CDH13: variants seen among roughly 807,000 people sequenced by gnomAD.
CDH13 encodes cadherin-13.
Under a neutral mutation model 63.8 loss-of-function variants are expected in CDH13, and 24 were observed. That is an observed-to-expected ratio of 0.38 (90% CI 0.27 to 0.53). CDH13 has a LOEUF of 0.53. Ranked by LOEUF, CDH13 falls within the 20% of genes least tolerant of loss-of-function variation. CDH13 has a pLI of 0.85. For missense variants in CDH13, 1,049 were observed against 903.1 expected (o/e 1.16, Z -2.07); for synonymous variants, 503 against 355.3 (o/e 1.42, Z -4.67).
At chr16:83,430,643 G>C (rs1038776931) in intron 6 of CDH13, among the ~76,000 whole-genome samples, 5 of 152,166 alleles carry the variant, frequency 3.3e-5, no homozygotes, top group Non-Finnish European at 5.9e-5. Flanking sequence ...TCTCATGAAA[G>C]AGATCATTTC....
intron 6 of CDH13, among the ~76,000 whole-genome samples, chr16:83,380,004 T>C (rs556556380): frequency 7.0e-4 from 104 of 149,070 alleles, no homozygotes; most frequent in African/African-American, 2.6e-3. Flanking sequence ...TAGGGCATAT[T>C]CCATATAATA....
At chr16:82,682,800 C>T (rs1215340670) in intron 1 of CDH13, among the ~76,000 whole-genome samples, 1 of 152,126 alleles carries the variant, frequency 6.6e-6, no homozygotes, top group East Asian at 1.9e-4. Context: ...AAGGCCTAGC[C>T]CTCTGCTCTT....
At chr16:82,845,373 T>C (rs1407052561) in intron 1 of CDH13, among the ~76,000 whole-genome samples, 1 of 152,136 alleles carries the variant, frequency 6.6e-6, no homozygotes, top group African/African-American at 2.4e-5. Context: ...TCCTGCAGTG[T>C]AGGAGAAAGA....
At chr16:82,825,360 T>C (rs1379957261) in intron 1 of CDH13, 1 of 152,168 alleles carries the variant, frequency 6.6e-6, no homozygotes, top group Non-Finnish European at 1.5e-5. Context: ...GAGTCTGCTT[T>C]GTATTGTGCC....
intron 6 of CDH13, among the ~76,000 whole-genome samples, chr16:83,427,786 C>G (rs988548872): frequency 1.3e-5 from 2 of 152,200 alleles, no homozygotes; most frequent in Non-Finnish European, 1.5e-5. Flanking sequence ...CAAGAACCAA[C>G]CACAGAGTTG....
chr16:83,073,413 A>T (rs948604882), intron 3 of CDH13, among the ~76,000 whole-genome samples: 1 of 151,464 alleles, frequency 6.6e-6, no homozygotes, highest in Non-Finnish European at 1.5e-5. Flanking sequence ...CCTCCATTTT[A>T]TATTAAACAG....
At chr16:83,605,667 G>C (rs1015083460) in intron 8 of CDH13, among the ~76,000 whole-genome samples, 2 of 152,314 alleles carry the variant, frequency 1.3e-5, no homozygotes, top group East Asian at 3.9e-4. Flanking sequence ...CCGCTGATGA[G>C]GATGGTGGGA....
At chr16:82,872,813 A>T (rs1034894778) in intron 2 of CDH13, among the ~76,000 whole-genome samples, 1 of 152,220 alleles carries the variant, frequency 6.6e-6, no homozygotes, top group African/African-American at 2.4e-5. Context: ...CCACTCATTT[A>T]GCCAACTATA....
At chr16:83,471,421 G>T (rs12933134) in intron 6 of CDH13, among the ~76,000 whole-genome samples, 2 of 151,712 alleles carry the variant, frequency 1.3e-5, no homozygotes, top group Non-Finnish European at 2.9e-5. Flanking sequence ...ACTACAGGTG[G>T]CTGCCACAGC....
chr16:83,075,869 G>A (rs905431089), intron 3 of CDH13, among the ~76,000 whole-genome samples: 1 of 152,142 alleles, frequency 6.6e-6, no homozygotes, highest in Non-Finnish European at 1.5e-5. Flanking sequence ...CTTTGATACT[G>A]CACATATTCA....
In CDH13 at chr16:82,751,443, G is replaced by C. The variant is rs1327828302; in HGVS notation, c.46-106919G>C. Among the ~76,000 whole-genome samples the C allele has an allele frequency of 2.0e-5, 3 of 152,184 alleles. No individual in the cohort carries two copies. The East Asian group carries it at 5.8e-4, about 29-fold the overall frequency. On this transcript the variant is annotated intron_variant, in intron 1 of 13. Coordinates refer to ENST00000567109, the MANE Select transcript of CDH13 (RefSeq NM_001257.5). ...CCCTGGGAGAGGTCTTTAGCCACCT[G>C]ATCCCTGACCTTGCCCTACACAAGG...
Position 83,604,351 on chromosome 16 carries a change from A to T in CDH13, c.1101+1757A>T, listed in dbSNP as rs528760258. 7.2e-5 allele frequency among the ~76,000 whole-genome samples: 11 copies of T among 152,288 alleles called. No homozygotes were observed. In the South Asian group the frequency reaches 2.3e-3, roughly 32 times the overall value. ...ATGGTTCCAAACTGGCATTTCAAGA[A>T]CACCAGTTCTAATTAGTTCCAAACA... On this transcript the variant is annotated intron_variant, in intron 8 of 13. Transcript: ENST00000567109.
At chr16:83,141,157 TA>T (rs1352239143) in intron 4 of CDH13, among the ~76,000 whole-genome samples, 3 of 152,218 alleles carry the variant, frequency 2.0e-5, no homozygotes, top group African/African-American at 7.2e-5. Context: ...CAGAGAATAT[TA>T]AAGCCGGAGG....
At chr16:82,976,909 A>C (rs76888880) in intron 2 of CDH13, among the ~76,000 whole-genome samples, 6,453 of 152,220 alleles carry the variant, frequency 0.042, 145 homozygotes, top group Admixed American at 0.052. Context: ...TCTCCAGTTG[A>C]CAAAAGACAA....
chr16:83,652,819 A>G (rs191544793), intron 8 of CDH13, among the ~76,000 whole-genome samples: 2 of 152,316 alleles, frequency 1.3e-5, no homozygotes, highest in East Asian at 3.9e-4. Context: ...AAGAGAATGA[A>G]GGCATAAGTC....
chr16:82,970,074 C>T (rs150912088), intron 2 of CDH13, among the ~76,000 whole-genome samples: 1 of 152,044 alleles, frequency 6.6e-6, no homozygotes, highest in South Asian at 2.1e-4. Context: ...TCTCCTAATG[C>T]TATCCCTCCC....
At chr16:82,929,568 C>T (rs535170780) in intron 2 of CDH13, among the ~76,000 whole-genome samples, 6 of 141,484 alleles carry the variant, frequency 4.2e-5, no homozygotes, top group South Asian at 4.5e-4. Flanking sequence ...AGGAGAATGG[C>T]ATGAACTCGG....
At chr16:83,668,493 A>C (rs1914206967) in intron 8 of CDH13, among the ~76,000 whole-genome samples, 1 of 152,160 alleles carries the variant, frequency 6.6e-6, no homozygotes, top group African/African-American at 2.4e-5. Context: ...AGCCCATTTC[A>C]TGCCCACATG....
intron 2 of CDH13, among the ~76,000 whole-genome samples, chr16:82,860,824 T>C (rs970284428): frequency 3.3e-5 from 5 of 152,326 alleles, no homozygotes; most frequent in Admixed American, 3.3e-4. Flanking sequence ...TTTCTAGAAG[T>C]AGTAGCAGTG....
Sources: allele counts gnomAD v4.1 joint callset (sites outside exome capture counted in the v4.1 genomes callset), GRCh38; gene constraint gnomAD v4.1.1; transcripts MANE v1.5; gene names NCBI Gene and HGNC (gene_info 2026-07-23, HGNC 2026-07-21).